The following KCNAB1 variants were observed in gnomAD, a reference collection of about 807,000 sequenced individuals.
The protein encoded by KCNAB1 is potassium voltage-gated channel subfamily A regulatory beta subunit 1.
KCNAB1 carries 35 observed loss-of-function variants against 64.6 expected under a neutral mutation model. That is an observed-to-expected ratio of 0.54 (90% CI 0.41 to 0.72). KCNAB1 has a LOEUF of 0.72. Among genes scored for constraint, KCNAB1 ranks in the 30% least tolerant of loss-of-function variants. The pLI is 0.00. For synonymous variants in KCNAB1, 177 were observed against 183.8 expected, an observed-to-expected ratio of 0.96 and a Z score of 0.30; for missense variants, 401 against 512.9, an observed-to-expected ratio of 0.78 and a Z score of 2.11.
chr3:156,357,159 G>GCGCACACACACA lies in KCNAB1; in HGVS notation c.276-64456_276-64455insGCACACACACAC, dbSNP rs545909634. 8.1e-3 allele frequency among the ~76,000 whole-genome samples: 1,200 copies of GCGCACACACACA among 147,402 alleles called. 17 individuals are homozygous for GCGCACACACACA. Among genetic ancestry groups the GCGCACACACACA allele is most frequent in the African/African-American group, 0.028 (1,152 of 40,518 alleles). ...CACATACACAAACACACATGTGCGCGCACACACACACACACACACACACAC... is the reference window on the plus strand; with the variant it reads ...CACATACACAAACACACATGTGCGCGCGCACACACACACACACACACACACACACACACACAC... On this transcript the variant is annotated intron_variant, in intron 1 of 13. Coordinates refer to ENST00000490337, the MANE Select transcript of KCNAB1 (RefSeq NM_172160.3).
At chr3:156,407,056 C>A (rs530227930) in intron 1 of KCNAB1, among the ~76,000 whole-genome samples, 300 of 152,342 alleles carry the variant, frequency 2.0e-3, no homozygotes, top group Non-Finnish European at 3.6e-3. Context: ...ATTCACTCTT[C>A]ACATAGAGTC....
chr3:156,167,487 T>A (rs1711659104), intron 1 of KCNAB1, among the ~76,000 whole-genome samples: 1 of 152,208 alleles, frequency 6.6e-6, no homozygotes, highest in Admixed American at 6.5e-5. Context: ...TTGGGTTTCT[T>A]TTTTAACCAA....
intron 1 of KCNAB1, among the ~76,000 whole-genome samples, chr3:156,320,375 T>A (rs149868739): frequency 6.6e-6 from 1 of 152,314 alleles, no homozygotes; most frequent in African/African-American, 2.4e-5. Flanking sequence ...AATGAATGAA[T>A]GAATGGTGCA....
At chr3:156,148,855 CTTTCT>C (rs1463427247) in intron 1 of KCNAB1, among the ~76,000 whole-genome samples, 1 of 86,144 alleles carries the variant, frequency 1.2e-5, no homozygotes, top group African/African-American at 4.3e-5. Context: ...TTTTCATTTT[CTTTCT>C]TTTTTTTTTT....
intron 8 of KCNAB1, among the ~76,000 whole-genome samples, chr3:156,509,902 G>C (rs1444418587): frequency 6.6e-6 from 1 of 152,174 alleles, no homozygotes; most frequent in Admixed American, 6.5e-5. Context: ...CTGCCCTCTA[G>C]TGTTCTTAAT....
At chr3:156,172,149 AGTT>A (rs1453533196) in intron 1 of KCNAB1, among the ~76,000 whole-genome samples, 1 of 152,214 alleles carries the variant, frequency 6.6e-6, no homozygotes, top group Non-Finnish European at 1.5e-5. Flanking sequence ...ATTCATCAGA[AGTT>A]GTTATTAAAC....
In KCNAB1 at chr3:156,158,170, AAAAAATAAAAAAT is replaced by A. The variant is rs1715844743; in HGVS notation, c.275+37288_275+37300del. Among the ~76,000 whole-genome samples the A allele has an allele frequency of 3.6e-5, 3 of 83,122 alleles. 1 individual carries two copies. The highest frequency in any genetic ancestry group is 1.4e-4 in the African/African-American group (3 of 20,832). 54.5% of individuals were successfully genotyped at this position (83,122 alleles called of 152,430 possible). A position where few individuals can be genotyped will look rare whatever the true frequency, so the allele number is the denominator to read the frequency against. ...ACAGAGCGAAACTCTGTCTCAAAAA[AAAAAATAAAAAAT>A]AAATAAATAAATAAATAAATAAATA... On this transcript the variant is annotated intron_variant, in intron 1 of 13. Transcript: ENST00000490337.
At chr3:156,311,952 A>G (rs1026188016) in intron 1 of KCNAB1, among the ~76,000 whole-genome samples, 7 of 152,330 alleles carry the variant, frequency 4.6e-5, no homozygotes, top group Middle Eastern at 3.4e-3. Context: ...CATAAGCTGC[A>G]TGTCCCTACC....
chr3:156,243,112 G>A lies in KCNAB1; in HGVS notation c.275+122226G>A, dbSNP rs554964785. 9.9e-5 allele frequency among the ~76,000 whole-genome samples: 15 copies of A among 152,174 alleles called. 1 individual carries two copies. The South Asian group carries it at 3.1e-3, about 32-fold the overall frequency. ...TTTAGGAGAGACAGGGTTTCACCAT[G>A]TTGGTCAGGCTGGTCTTGAACTCCT... On this transcript the variant is annotated intron_variant, in intron 1 of 13. Coordinates refer to ENST00000490337, the MANE Select transcript of KCNAB1 (RefSeq NM_172160.3).
chr3:156,126,961 G>C (rs1331070941), intron 1 of KCNAB1, among the ~76,000 whole-genome samples: 1 of 152,162 alleles, frequency 6.6e-6, no homozygotes, highest in Non-Finnish European at 1.5e-5. Context: ...ATTGTTATTG[G>C]AGATGCCAAA....
intron 12 of KCNAB1, among the ~76,000 whole-genome samples, chr3:156,528,174 CAAAA>C (rs3085733): frequency 7.1e-6 from 1 of 140,664 alleles, no homozygotes; most frequent in Non-Finnish European, 1.6e-5. Flanking sequence ...ATAATGCAGT[CAAAA>C]AAAAAAAAAA....
intron 11 of KCNAB1, among the ~76,000 whole-genome samples, chr3:156,520,681 A>G (rs1250544732): frequency 6.6e-6 from 1 of 152,250 alleles, no homozygotes; most frequent in African/African-American, 2.4e-5. Context: ...CAAGTACATC[A>G]AGTGTTCATA....
At chr3:156,406,651 G>A (rs1269418060) in intron 1 of KCNAB1, among the ~76,000 whole-genome samples, 1 of 152,148 alleles carries the variant, frequency 6.6e-6, no homozygotes, top group Non-Finnish European at 1.5e-5. Context: ...TCAGCACCTT[G>A]TCATGTTGGT....
intron 1 of KCNAB1, among the ~76,000 whole-genome samples, chr3:156,341,831 A>G (rs1724135144): frequency 6.6e-6 from 1 of 152,154 alleles, no homozygotes; most frequent in Non-Finnish European, 1.5e-5. Flanking sequence ...ATGGACCTTG[A>G]GCTCTGATAT....
intron 1 of KCNAB1, among the ~76,000 whole-genome samples, chr3:156,241,689 G>A (rs1717173225): frequency 6.6e-6 from 1 of 152,116 alleles, no homozygotes; most frequent in African/African-American, 2.4e-5. Context: ...GCACCTGGGA[G>A]AGTTCCTTCA....
At chr3:156,269,278 C>G (rs142717477) in intron 1 of KCNAB1, among the ~76,000 whole-genome samples, 1 of 152,256 alleles carries the variant, frequency 6.6e-6, no homozygotes, top group African/African-American at 2.4e-5. Context: ...TGTTTAATTT[C>G]CATGTGTTTG....
intron 1 of KCNAB1, among the ~76,000 whole-genome samples, chr3:156,229,471 G>C (rs547837925): frequency 6.6e-6 from 1 of 152,314 alleles, no homozygotes; most frequent in African/African-American, 2.4e-5. Flanking sequence ...TGAGATTTGG[G>C]CAGGGACACA....
chr3:156,501,660 G>C (rs539166120), intron 8 of KCNAB1, among the ~76,000 whole-genome samples: 2 of 152,062 alleles, frequency 1.3e-5, no homozygotes, highest in South Asian at 4.2e-4. Flanking sequence ...TTGAACTCCC[G>C]GCCTCAGGTG....
intron 1 of KCNAB1, chr3:156,292,189 C>T: frequency 6.4e-7 from 1 of 1,569,040 alleles, no homozygotes; most frequent in Non-Finnish European, 8.7e-7. Context: ...GCAGTGGAGA[C>T]AGTCCATCGG....
Sources: allele counts gnomAD v4.1 joint callset (sites outside exome capture counted in the v4.1 genomes callset), GRCh38; gene constraint gnomAD v4.1.1; transcripts MANE v1.5; gene names NCBI Gene and HGNC (gene_info 2026-07-23, HGNC 2026-07-21).